Variants in TRPM1 observed in about 807,000 individuals in gnomAD.
TRPM1 encodes transient receptor potential cation channel subfamily M member 1, also known as TRPM1-203 APA Isoform, Intron 10.
Under a neutral mutation model 149.4 loss-of-function variants are expected in TRPM1, and 113 were observed. The ratio of observed to expected loss-of-function variants is 0.76; its 90% confidence interval spans 0.65 to 0.88. The LOEUF (loss-of-function observed/expected upper bound fraction) is 0.88. TRPM1 is among the 40% of genes least tolerant of loss of function. TRPM1 has a pLI of 0.00. For synonymous variants in TRPM1, 741 were observed against 759.5 expected, an observed-to-expected ratio of 0.98 and a Z score of 0.40; for missense variants, 1,976 against 2,038.7, an observed-to-expected ratio of 0.97 and a Z score of 0.59.
chr15:31,064,832 T>C (rs1267215276), intron 7 of TRPM1, among the ~76,000 whole-genome samples: 3 of 152,158 alleles, frequency 2.0e-5, no homozygotes, highest in Admixed American at 6.5e-5. Context: ...CAGACATGCA[T>C]TGAGGGTCTG....
At chr15:31,052,075 A>G (rs1226498559) in intron 11 of TRPM1, among the ~76,000 whole-genome samples, 2 of 152,154 alleles carry the variant, frequency 1.3e-5, no homozygotes, top group African/African-American at 2.4e-5. Flanking sequence ...GGCCTGAATT[A>G]TTTCAAAGGC....
chr15:31,077,343 C>T (rs2034725194), intron 2 of TRPM1, among the ~76,000 whole-genome samples: 1 of 152,124 alleles, frequency 6.6e-6, no homozygotes, highest in Non-Finnish European at 1.5e-5. Flanking sequence ...CTCAGGGAGG[C>T]CACCTGGAGC....
chr15:31,027,446 A>T (rs1277903004), intron 25 of TRPM1, among the ~76,000 whole-genome samples: 1 of 152,242 alleles, frequency 6.6e-6, no homozygotes, highest in Non-Finnish European at 1.5e-5. Context: ...ATGCTTTCAC[A>T]TGTTTAAACT....
chr15:31,104,315 G>A (rs1417827599), upstream of TRPM1, among the ~76,000 whole-genome samples: 1 of 152,176 alleles, frequency 6.6e-6, no homozygotes, highest in African/African-American at 2.4e-5. Context: ...CCCCAGGCTA[G>A]CAGGGGACAC....
chr15:31,013,393 T>C (rs765913864), intron 27 of TRPM1, among the ~76,000 whole-genome samples: 2 of 152,096 alleles, frequency 1.3e-5, no homozygotes, highest in African/African-American at 2.4e-5. Context: ...CACCTCTTTA[T>C]TGATAGTCCC....
chr15:31,038,467 T>G, intron 18 of TRPM1, among the ~76,000 whole-genome samples: 1 of 152,174 alleles, frequency 6.6e-6, no homozygotes. Flanking sequence ...ATCCCAGCAC[T>G]TTTGGGAGGC....
intron 11 of TRPM1, chr15:31,060,149 A>C (rs1310971375): frequency 1.7e-5 from 5 of 289,044 alleles, no homozygotes. Flanking sequence ...ACACACATAA[A>C]CACACACACA....
At chr15:31,102,820 C>T (rs1048101133), upstream of TRPM1, among the ~76,000 whole-genome samples, 2 of 152,262 alleles carry the variant, frequency 1.3e-5, no homozygotes, top group Non-Finnish European at 2.9e-5. Context: ...GTGGCTCCCA[C>T]GTGCTTTGCT....
intron 3 of TRPM1, among the ~76,000 whole-genome samples, chr15:31,071,071 A>G (rs747421313): frequency 3.3e-5 from 5 of 152,090 alleles, no homozygotes; most frequent in Non-Finnish European, 7.4e-5. Context: ...CTGGCTTTCT[A>G]GTCTTCTCTG....
chr15:31,062,946 G>A (rs2034272567), intron 8 of TRPM1, 172 bp downstream of exon 8: 2 of 1,014,130 alleles, frequency 2.0e-6, no homozygotes, highest in East Asian at 2.6e-5. Context: ...GGAACACCCT[G>A]CCTCTGATGG....
At chr15:31,096,886 GTGATGTTT>G (rs1315300536) in intron 1 of TRPM1, among the ~76,000 whole-genome samples, 1 of 152,214 alleles carries the variant, frequency 6.6e-6, no homozygotes, top group Non-Finnish European at 1.5e-5. Flanking sequence ...CTCAGGGACT[GTGATGTTT>G]GCTGGGGCCA....
intron 27 of TRPM1, among the ~76,000 whole-genome samples, chr15:31,007,689 C>CA (rs2032047575): frequency 6.8e-6 from 1 of 147,312 alleles, no homozygotes; most frequent in Non-Finnish European, 1.5e-5. Context: ...ACAACAACAA[C>CA]AACAACAGTT....
chr15:31,136,953 C>T (rs1213433776), intron 1 of TRPM1, among the ~76,000 whole-genome samples: 5 of 152,124 alleles, frequency 3.3e-5, no homozygotes, highest in Admixed American at 6.5e-5. Context: ...TCTGACAACC[C>T]TGAGACCCCT....
At position 31,026,228 on chromosome 15, in the gene TRPM1, G is replaced by T; in HGVS notation, c.3540C>A (p.Phe1180Leu). Residue 1180 changes from phenylalanine (F) to leucine (L), a missense_variant, in exon 27 of 28, where the codon TTC becomes TTA. Physicochemically the swap from Phe to Leu is conservative, Grantham distance 22. Transcript: ENST00000256552. ...AGTGCTCCTGCACGCACTGCTCCTC[G>T]AACTCATGCAGCCTCTTTAGCTCCT... is the stretch of plus-strand genomic sequence containing the variant. ...SDEELKRLHE[F>L]EEQCVQEHFR... is the part of the protein sequence containing the mutation. 6.2e-7 allele frequency: 1 copy of T among 1,612,386 alleles called. No individual in the cohort carries two copies. The highest frequency in any genetic ancestry group is 8.5e-7 in the Non-Finnish European group (1 of 1,180,014).
At chr15:31,035,978 G>A (rs1327327126) in intron 20 of TRPM1, 1 of 438,540 alleles carries the variant, frequency 2.3e-6, no homozygotes, top group African/African-American at 2.0e-5. Context: ...TATGATAACG[G>A]GAAACTTTTA....
At chr15:31,154,419 G>A (rs1452140641) in intron 1 of TRPM1, among the ~76,000 whole-genome samples, 1 of 152,190 alleles carries the variant, frequency 6.6e-6, no homozygotes, top group Non-Finnish European at 1.5e-5. Flanking sequence ...GACAGGAATT[G>A]TTTTGAATCT....
upstream of TRPM1, among the ~76,000 whole-genome samples, chr15:31,105,435 CTGTG>C (rs10525947): frequency 0.099 from 14,742 of 148,488 alleles, 812 homozygotes; most frequent in Admixed American, 0.14. Context: ...CTGTGTGTCT[CTGTG>C]TGTGTGTGTG....
At chr15:31,158,626 C>CAAAAAAA (rs749062439) in intron 1 of TRPM1, among the ~76,000 whole-genome samples, 1 of 59,790 alleles carries the variant, frequency 1.7e-5, no homozygotes, top group African/African-American at 6.6e-5. Flanking sequence ...GACTCCATCT[C>CAAAAAAA]AAAAAAAAAA....
chr15:31,156,143 G>A (rs1054215797), intron 1 of TRPM1, among the ~76,000 whole-genome samples: 2 of 138,414 alleles, frequency 1.4e-5, no homozygotes, highest in African/African-American at 5.4e-5. Flanking sequence ...GTTGTAGTGA[G>A]TCGAGATTGT....
Sources: gnomAD v4.1 joint callset for allele counts (sites outside exome capture counted in the v4.1 genomes callset) on GRCh38, gnomAD v4.1.1 for gene constraint, MANE v1.5 for transcripts, NCBI Gene and HGNC (gene_info 2026-07-23, HGNC 2026-07-21) for gene names.